Variants in NUP62CL observed in about 807,000 individuals in gnomAD.
The protein encoded by NUP62CL is nucleoporin 62 C-terminal like.
In NUP62CL, 13 loss-of-function variants were observed where a neutral mutation model predicts 15.3. That is an observed-to-expected ratio of 0.85 (90% CI 0.55 to 1.35). The LOEUF (loss-of-function observed/expected upper bound fraction) is 1.35. NUP62CL is among the 40% of genes most tolerant of loss of function. The pLI is 0.00. For missense variants in NUP62CL, 123 were observed against 130.6 expected (o/e 0.94, Z 0.28); for synonymous variants, 54 against 49.2 (o/e 1.10, Z -0.41).
chrX:107,155,681 GA>G (rs1172415081), intron 4 of NUP62CL, among the ~76,000 whole-genome samples: 7 of 110,104 alleles, frequency 6.4e-5, no homozygotes, highest in African/African-American at 1.6e-4. Context: ...GATGCTTGAT[GA>G]AAAAAAAATA....
At chrX:107,133,003 G>C (rs1168956273) in intron 8 of NUP62CL, among the ~76,000 whole-genome samples, 2 of 111,489 alleles carry the variant, frequency 1.8e-5, no homozygotes, top group Non-Finnish European at 3.8e-5. Context: ...GGAGTTTTTG[G>C]GGTTGGGGGC....
intron 3 of NUP62CL, among the ~76,000 whole-genome samples, chrX:107,173,111 A>T (rs939007432): frequency 2.7e-5 from 3 of 112,405 alleles, no homozygotes; most frequent in African/African-American, 9.7e-5. Flanking sequence ...TGGAGCACCA[A>T]CTGCAGAGAA....
At chrX:107,165,659 G>A (rs998374395) in intron 4 of NUP62CL, among the ~76,000 whole-genome samples, 16 of 111,317 alleles carry the variant, frequency 1.4e-4, no homozygotes, top group African/African-American at 4.9e-4. Flanking sequence ...ACATATGCAG[G>A]GCTGGTTGAA....
chrX:107,147,623 C>T (rs1925909528), intron 8 of NUP62CL, 120 bp downstream of exon 8: 10 of 487,372 alleles, frequency 2.1e-5, no homozygotes, highest in Non-Finnish European at 3.4e-5. Context: ...ACATACTGTG[C>T]GTTAAGCAAC....
chrX:107,178,410 G>C (rs1926835860), intron 2 of NUP62CL, among the ~76,000 whole-genome samples: 1 of 112,197 alleles, frequency 8.9e-6, no homozygotes. Flanking sequence ...ATAAATTAAT[G>C]CATAGTGACA....
intron 4 of NUP62CL, among the ~76,000 whole-genome samples, chrX:107,159,918 G>A (rs1398404273): frequency 9.3e-6 from 1 of 107,252 alleles, no homozygotes; most frequent in African/African-American, 3.4e-5. Context: ...AAGCTAATAA[G>A]CAACTTCAGC....
At chrX:107,164,961 C>T (rs1359195332) in intron 4 of NUP62CL, among the ~76,000 whole-genome samples, 2 of 111,952 alleles carry the variant, frequency 1.8e-5, no homozygotes, top group East Asian at 5.6e-4. Context: ...ATTAACTGGG[C>T]GTGGTGGCGG....
intron 4 of NUP62CL, among the ~76,000 whole-genome samples, chrX:107,156,712 A>G (rs1469060407): frequency 6.2e-5 from 6 of 96,795 alleles, no homozygotes; most frequent in Non-Finnish European, 1.2e-4. Context: ...AAACTCTAAA[A>G]CGCAGAGCGC....
At chrX:107,138,087 A>G (rs1196895377) in intron 8 of NUP62CL, among the ~76,000 whole-genome samples, 1 of 111,727 alleles carries the variant, frequency 9.0e-6, no homozygotes, top group Non-Finnish European at 1.9e-5. Flanking sequence ...ACTTTTTCAA[A>G]AATGGTGCTG....
At chrX:107,194,186 A>T (rs1399432204) in intron 1 of NUP62CL, among the ~76,000 whole-genome samples, 2 of 111,567 alleles carry the variant, frequency 1.8e-5, no homozygotes, top group Admixed American at 9.6e-5. Context: ...AAGAGTTGAT[A>T]AGTGAATTTC....
intron 1 of NUP62CL, among the ~76,000 whole-genome samples, chrX:107,202,925 C>T: frequency 9.9e-6 from 1 of 101,060 alleles, no homozygotes; most frequent in Non-Finnish European, 2.0e-5. Flanking sequence ...CTGCAGTGAG[C>T]TGTGATCATA....
chrX:107,198,340 A>T (rs1264001444), intron 1 of NUP62CL, among the ~76,000 whole-genome samples: 1 of 112,040 alleles, frequency 8.9e-6, no homozygotes, highest in Non-Finnish European at 1.9e-5. Context: ...AACAATCAGC[A>T]GGATGTGGGT....
intron 4 of NUP62CL, among the ~76,000 whole-genome samples, chrX:107,167,349 A>G (rs185942225): frequency 8.9e-6 from 1 of 112,050 alleles, no homozygotes; most frequent in African/African-American, 3.2e-5. Context: ...GATAAATGAC[A>G]TGATGCTTGT....
At chrX:107,163,598 G>A (rs185104695) in intron 4 of NUP62CL, among the ~76,000 whole-genome samples, 47 of 111,686 alleles carry the variant, frequency 4.2e-4, no homozygotes, top group South Asian at 2.6e-3. Flanking sequence ...ACAATATACC[G>A]TCTATAAGAA....
At chrX:107,184,801 T>C (rs1408864376) in intron 2 of NUP62CL, among the ~76,000 whole-genome samples, 5 of 110,866 alleles carry the variant, frequency 4.5e-5, no homozygotes, top group Non-Finnish European at 5.7e-5. Flanking sequence ...ATAATTAAAC[T>C]TCTGAAAACC....
intron 8 of NUP62CL, among the ~76,000 whole-genome samples, chrX:107,126,949 G>A (rs765760067): frequency 1.8e-5 from 2 of 110,377 alleles, no homozygotes; most frequent in Admixed American, 9.6e-5. Context: ...CAGGAGAATC[G>A]CTTGAACCCA....
chrX:107,132,603 T>G (rs187620396), intron 8 of NUP62CL, among the ~76,000 whole-genome samples: 2 of 110,783 alleles, frequency 1.8e-5, no homozygotes, highest in East Asian at 5.7e-4. Context: ...TACAAAAAAT[T>G]TTTTAGAATT....
intron 2 of NUP62CL, among the ~76,000 whole-genome samples, chrX:107,177,050 T>G (rs1926803669): frequency 9.0e-6 from 1 of 111,544 alleles, no homozygotes; most frequent in African/African-American, 3.3e-5. Context: ...GATGACATGA[T>G]CACGAATACA....
Position 107,167,623 on chromosome X carries a change from G to C in NUP62CL, c.194+26C>G, listed in dbSNP as rs1437655894. 7.6e-6 allele frequency: 8 copies of C among 1,055,138 alleles called. No individual in the cohort carries two copies. The South Asian group carries it at 1.5e-4, about 20-fold the overall frequency. 87.0% of individuals were successfully genotyped at this position (1,055,138 alleles called of 1,213,427 possible). A position where few individuals can be genotyped will look rare whatever the true frequency, so the allele number is the denominator to read the frequency against. On this transcript the variant is annotated intron_variant, in intron 4 of 8. Transcript: ENST00000372466. Reference sequence around the variant, plus strand: ...ACATGATAAATAAAATGAAACACATGCAAGTTTTTAAATAAATAGGCTTAC... The same window carrying C: ...ACATGATAAATAAAATGAAACACATCCAAGTTTTTAAATAAATAGGCTTAC...
Sources: allele counts gnomAD v4.1 joint callset (sites outside exome capture counted in the v4.1 genomes callset), GRCh38; gene constraint gnomAD v4.1.1; transcripts MANE v1.5; gene names NCBI Gene and HGNC (gene_info 2026-07-23, HGNC 2026-07-21).